TVP23C: variants seen among roughly 807,000 people sequenced by gnomAD.
TVP23C encodes the protein trans-golgi network vesicle protein 23 homolog C, also known as Golgi apparatus membrane protein TVP23 homolog C.
A neutral mutation model predicts 28.7 loss-of-function variants in TVP23C; 19 were observed. That is an observed-to-expected ratio of 0.66 (90% CI 0.46 to 0.97). TVP23C has a LOEUF of 0.97. Ranked by LOEUF, TVP23C falls within the 50% of genes least tolerant of loss-of-function variation. The pLI is 0.00. For synonymous variants in TVP23C, 68 were observed against 81.7 expected (o/e 0.83, Z 0.90); for missense variants, 186 against 241.3 (o/e 0.77, Z 1.52).
At chr17:15,521,859 A>G (rs1309656384) in intron 5 of TVP23C, among the ~76,000 whole-genome samples, 1 of 152,142 alleles carries the variant, frequency 6.6e-6, no homozygotes, top group Non-Finnish European at 1.5e-5. Flanking sequence ...TCTACTCCAC[A>G]TGTCTCTCAT....
intron 5 of TVP23C, among the ~76,000 whole-genome samples, chr17:15,517,232 C>G (rs1175283259): frequency 6.6e-6 from 1 of 152,200 alleles, no homozygotes; most frequent in Non-Finnish European, 1.5e-5. Flanking sequence ...GGGACTATGT[C>G]CCACTCAATT....
At chr17:15,527,253 T>C (rs1163165171) in intron 5 of TVP23C, among the ~76,000 whole-genome samples, 1 of 152,242 alleles carries the variant, frequency 6.6e-6, no homozygotes, top group Non-Finnish European at 1.5e-5. Context: ...TCACTGCCCA[T>C]GTTTCAGAGC....
chr17:15,555,693 C>T (rs937892282), intron 1 of TVP23C, among the ~76,000 whole-genome samples: 3 of 152,024 alleles, frequency 2.0e-5, no homozygotes, highest in Non-Finnish European at 4.4e-5. Context: ...CAGAGCAAGC[C>T]GAGGCTACTG....
intron 5 of TVP23C, among the ~76,000 whole-genome samples, chr17:15,511,053 CAAAAAAAAAA>C (rs58794054): frequency 0.046 from 3,833 of 83,488 alleles, 212 homozygotes; most frequent in African/African-American, 0.15. Context: ...GACTTCGTCT[CAAAAAAAAAA>C]AAAAAAAAAA....
intron 5 of TVP23C, among the ~76,000 whole-genome samples, chr17:15,510,956 A>G (rs756275069): frequency 1.4e-4 from 20 of 146,062 alleles, no homozygotes; most frequent in Admixed American, 7.0e-5. Context: ...CAGGAGGCTG[A>G]GGCAGGAGAA....
At chr17:15,519,311 A>C (rs1466695179) in intron 5 of TVP23C, among the ~76,000 whole-genome samples, 1 of 152,140 alleles carries the variant, frequency 6.6e-6, no homozygotes, top group Non-Finnish European at 1.5e-5. Context: ...AAGCCAAACA[A>C]AAATATAAAT....
chr17:15,516,173 T>C (rs114077419), intron 5 of TVP23C, among the ~76,000 whole-genome samples: 7,832 of 152,244 alleles, frequency 0.051, 270 homozygotes, highest in Non-Finnish European at 0.073. Context: ...GGTATGTCTT[T>C]AGAGCAATGA....
intron 5 of TVP23C, among the ~76,000 whole-genome samples, chr17:15,506,306 A>T (rs1432570518): frequency 1.3e-5 from 2 of 152,194 alleles, no homozygotes; most frequent in African/African-American, 4.8e-5. Context: ...CTTTATGTCT[A>T]GCTCAGGGAT....
chr17:15,543,126 G>T (rs1394603019), intron 5 of TVP23C, among the ~76,000 whole-genome samples: 12 of 150,320 alleles, frequency 8.0e-5, no homozygotes, highest in South Asian at 2.1e-4. Context: ...GGAAGAGAAC[G>T]CAAAACCAGG....
intron 5 of TVP23C, among the ~76,000 whole-genome samples, chr17:15,514,628 A>C (rs1982144730): frequency 6.6e-6 from 1 of 152,218 alleles, no homozygotes; most frequent in Non-Finnish European, 1.5e-5. Context: ...GGCAGAGTAT[A>C]ATGTAGGCAA....
At chr17:15,511,335 T>C (rs1981994993) in intron 5 of TVP23C, among the ~76,000 whole-genome samples, 1 of 152,150 alleles carries the variant, frequency 6.6e-6, no homozygotes, top group Admixed American at 6.5e-5. Flanking sequence ...GAACAAGGGC[T>C]CTATTTCACT....
chr17:15,539,154 AC>A lies in TVP23C; in HGVS notation c.*1257del. ...GGAGAAATGCAAATTATGAGACTCCACCCCCAGATCTACTGAATAAGGAGTC... is the reference window on the plus strand; with the variant it reads ...GGAGAAATGCAAATTATGAGACTCCACCCCAGATCTACTGAATAAGGAGTC... On this transcript the variant is annotated 3_prime_UTR_variant, in exon 6 of 6. Transcript: ENST00000518321. 1 of 945,834 alleles carries A rather than the reference AC, an allele frequency of 1.1e-6. No homozygotes were observed. The highest frequency in any genetic ancestry group is 1.3e-6 in the Non-Finnish European group (1 of 794,098). The allele number at this position is 945,834 out of a possible 1,614,324, so 58.6% of individuals were successfully genotyped here. A position where few individuals can be genotyped will look rare whatever the true frequency, so the allele number is the denominator to read the frequency against.
intron 1 of TVP23C, among the ~76,000 whole-genome samples, chr17:15,560,537 A>G (rs577582638): frequency 6.7e-6 from 1 of 149,624 alleles, no homozygotes; most frequent in South Asian, 2.2e-4. Flanking sequence ...GACCAGTGAA[A>G]GAGCATGTGG....
rs530599698 is a variant in TVP23C, at chr17:15,521,102, T to C, written c.463-17870A>G. Among the ~76,000 whole-genome samples, 5 of 151,974 alleles carry C rather than the reference T, an allele frequency of 3.3e-5. No individual in the cohort carries two copies. The South Asian group carries it at 8.3e-4, about 25-fold the overall frequency. On this transcript the variant is annotated intron_variant, in intron 5 of 5. Transcript: ENST00000225576. The stretch of plus-strand genomic sequence containing the variant: ...CATACAATGTTCATGGATCAGAAGA[T>C]TCAATATTACAAAGATGAGAATTCC...
rs1404351689 is a variant in TVP23C at position 15,552,227 on chromosome 17, T to C, written c.240+1458A>G. On this transcript the variant is annotated intron_variant, in intron 3 of 5. Coordinates refer to ENST00000518321, the MANE Select transcript of TVP23C (RefSeq NM_001135036.2). ...TGTGAGCAGTATGTACTAAATACTT[T>C]GGAGCATAAAGTAACAGAAGAAATT... Among the ~76,000 whole-genome samples the C allele has an allele frequency of 3.3e-5, 5 of 152,302 alleles. 1 individual carries two copies. The South Asian group carries it at 1.0e-3, about 32-fold the overall frequency.
chr17:15,538,415 C>A lies in TVP23C; in HGVS notation c.*1997G>T, dbSNP rs558071239. On this transcript the variant is annotated 3_prime_UTR_variant, in exon 6 of 6. Transcript: ENST00000518321. ...ACCCTCCTGGCTAACACAGTGAAAC[C>A]CCGTCTCTACTAAAAATACAAAAAA... The A allele has an allele frequency of 1.3e-6, 1 of 759,798 alleles. No homozygotes were observed. Among genetic ancestry groups the A allele is most frequent in the South Asian group, 6.0e-5 (1 of 16,780 alleles). 47.1% of individuals were successfully genotyped at this position (759,798 alleles called of 1,614,324 possible).
chr17:15,541,370 C>A (rs1180531123), intron 5 of TVP23C, among the ~76,000 whole-genome samples: 1 of 152,180 alleles, frequency 6.6e-6, no homozygotes, highest in African/African-American at 2.4e-5. Context: ...TGCAATTACT[C>A]AACTCTGCTG....
intron 5 of TVP23C, among the ~76,000 whole-genome samples, chr17:15,522,547 A>T (rs920663685): frequency 7.9e-5 from 12 of 152,250 alleles, no homozygotes. Flanking sequence ...GGGAAAGATA[A>T]AATGAGATCC....
chr17:15,517,722 A>T (rs1455819664), intron 5 of TVP23C, among the ~76,000 whole-genome samples: 2 of 152,174 alleles, frequency 1.3e-5, no homozygotes, highest in Admixed American at 1.3e-4. Flanking sequence ...ATCCCACCCT[A>T]AACAGGAGGA....
Sources: gnomAD v4.1 joint callset for allele counts (sites outside exome capture counted in the v4.1 genomes callset) on GRCh38, gnomAD v4.1.1 for gene constraint, MANE v1.5 for transcripts, NCBI Gene and HGNC (gene_info 2026-07-23, HGNC 2026-07-21) for gene names.